Variants in MGST1 observed in about 807,000 individuals in gnomAD.
The protein encoded by MGST1 is glutathione S-transferase 12.
In MGST1, 5 loss-of-function variants were observed where a neutral mutation model predicts 8.9. The ratio of observed to expected loss-of-function variants is 0.56; its 90% confidence interval spans 0.29 to 1.19. MGST1 has a LOEUF of 1.19. Among genes scored for constraint, MGST1 ranks in the 50% most tolerant of loss-of-function variants. The probability of loss-of-function intolerance (pLI) is 0.08; values close to 1 mark genes in which losing one functional copy is unlikely to be tolerated. For synonymous variants in MGST1, 54 were observed against 67.8 expected (o/e 0.80, Z 1.00); for missense variants, 182 against 187.4 (o/e 0.97, Z 0.17).
At chr12:16,418,159 A>G (rs1173879421) in intron 1 of MGST1, among the ~76,000 whole-genome samples, 3 of 152,202 alleles carry the variant, frequency 2.0e-5, no homozygotes, top group African/African-American at 7.2e-5. Flanking sequence ...TATGTGTGTC[A>G]TGACACTTAA....
In MGST1 at chr12:16,586,546, G is replaced by GC. The variant is rs1338360603; in HGVS notation, n.483-2980dup. Among the ~76,000 whole-genome samples, 1 of 152,120 alleles carries GC rather than the reference G, an allele frequency of 6.6e-6. No homozygotes were observed. Among genetic ancestry groups the GC allele is most frequent in the Non-Finnish European group, 1.5e-5 (1 of 68,026 alleles). On this transcript the variant is annotated intron_variant and non_coding_transcript_variant, in intron 4 of 4. Coordinates refer to the MGST1 transcript ENST00000538857. The surrounding 1 kb of genome is among the most constrained non-coding windows in gnomAD (Gnocchi z 4.3). ...TGTTGTATAATATTGTCAGATTCAG[G>GC]CCAACTGAATTCTGGAGGACATATG...
chr12:16,556,554 G>A (rs1942197074), intron 4 of MGST1, among the ~76,000 whole-genome samples: 1 of 152,122 alleles, frequency 6.6e-6, no homozygotes, highest in Non-Finnish European at 1.5e-5. Flanking sequence ...TCACAAACGC[G>A]TAATTCCACA....
At chr12:16,431,903 T>C (rs575631827) in intron 1 of MGST1, among the ~76,000 whole-genome samples, 6 of 152,190 alleles carry the variant, frequency 3.9e-5, no homozygotes, top group Non-Finnish European at 7.3e-5. Flanking sequence ...CAGGTATACA[T>C]GTATTTATTT....
At chr12:16,381,292 CAT>C (rs1940451642), downstream of MGST1, among the ~76,000 whole-genome samples, 2 of 152,146 alleles carry the variant, frequency 1.3e-5, no homozygotes, top group Admixed American at 1.3e-4. Flanking sequence ...TCTTCCTTTC[CAT>C]ATTTAGTGCT....
At chr12:16,485,303 G>A (rs1216726425) in intron 4 of MGST1, among the ~76,000 whole-genome samples, 1 of 152,154 alleles carries the variant, frequency 6.6e-6, no homozygotes, top group Non-Finnish European at 1.5e-5. Context: ...ATTTAGAAGT[G>A]TAACGTTCGG....
chr12:16,571,780 T>G (rs1182148317), intron 4 of MGST1, among the ~76,000 whole-genome samples: 2 of 152,080 alleles, frequency 1.3e-5, no homozygotes, highest in Non-Finnish European at 2.9e-5. Flanking sequence ...AATCAAAGTG[T>G]AACTGGATCA....
chr12:16,374,461 C>A (rs983314399), intron 3 of MGST1, among the ~76,000 whole-genome samples: 4 of 152,010 alleles, frequency 2.6e-5, no homozygotes, highest in South Asian at 2.1e-4. Flanking sequence ...TAAACCCACC[C>A]AAATCCAAAA....
intron 4 of MGST1, among the ~76,000 whole-genome samples, chr12:16,564,710 C>T (rs1005749313): frequency 6.6e-6 from 1 of 152,200 alleles, no homozygotes; most frequent in East Asian, 1.9e-4. Flanking sequence ...AAATATGTCA[C>T]TGCAGTAAAC....
At chr12:16,437,014 T>C (rs1940992706) in intron 1 of MGST1, among the ~76,000 whole-genome samples, 1 of 151,962 alleles carries the variant, frequency 6.6e-6, no homozygotes, top group Admixed American at 6.6e-5. Context: ...AAATTAAAAC[T>C]GTTGCCGCTA....
rs1338093019 is a variant in MGST1, at chr12:16,500,238, G to T, written n.483-89290G>T. ...CTTTGTTTAAAGAAAATAATTAAAGGTTATGCCATTAAAAAATGTGTCCAA... is the reference window on the plus strand; with the variant it reads ...CTTTGTTTAAAGAAAATAATTAAAGTTTATGCCATTAAAAAATGTGTCCAA... On this transcript the variant is annotated intron_variant and non_coding_transcript_variant, in intron 4 of 4. Transcript: ENST00000538857. The surrounding 1 kb of genome is among the most constrained non-coding windows in gnomAD (Gnocchi z 4.3). 6.6e-6 allele frequency among the ~76,000 whole-genome samples: 1 copy of T among 152,034 alleles called. No homozygotes were observed. The highest frequency in any genetic ancestry group is 6.6e-5 in the Admixed American group (1 of 15,266).
At chr12:16,515,938 G>A (rs1437756019) in intron 4 of MGST1, among the ~76,000 whole-genome samples, 1 of 152,140 alleles carries the variant, frequency 6.6e-6, no homozygotes, top group African/African-American at 2.4e-5. Flanking sequence ...TTCACCCATT[G>A]GAAAGAACCA....
At chr12:16,378,321 G>A (rs1940412023), downstream of MGST1, among the ~76,000 whole-genome samples, 1 of 151,678 alleles carries the variant, frequency 6.6e-6, no homozygotes, top group African/African-American at 2.4e-5. Flanking sequence ...ATTAATTTTT[G>A]TATAAGGTGT....
rs142537592 is a variant in MGST1, at chr12:16,524,913, C to A, written n.483-64615C>A. Among the ~76,000 whole-genome samples, 618 of 152,176 alleles carry A rather than the reference C, an allele frequency of 4.1e-3. 4 individuals are homozygous for A. The highest frequency in any genetic ancestry group is 0.014 in the African/African-American group (592 of 41,530). The stretch of plus-strand genomic sequence containing the variant: ...TATTGAGCTTCTGTTAACATCCTTA[C>A]AATAAACTCTGTGTTGAATATCATC... On this transcript the variant is annotated intron_variant and non_coding_transcript_variant, in intron 4 of 4. Coordinates refer to the MGST1 transcript ENST00000538857.
intron 2 of MGST1, among the ~76,000 whole-genome samples, chr12:16,356,395 C>T (rs750762812): frequency 6.6e-6 from 1 of 152,098 alleles, no homozygotes; most frequent in Non-Finnish European, 1.5e-5. Flanking sequence ...ACAAGACAGA[C>T]AGGCCTGACC....
intron 1 of MGST1, chr12:16,399,949 G>A: frequency 2.3e-6 from 3 of 1,324,326 alleles, no homozygotes; most frequent in Non-Finnish European, 3.3e-6. Context: ...CCATTCCATA[G>A]CATTTACCAG....
At chr12:16,459,664 G>T (rs976804380) in intron 4 of MGST1, among the ~76,000 whole-genome samples, 1 of 152,078 alleles carries the variant, frequency 6.6e-6, no homozygotes, top group African/African-American at 2.4e-5. Context: ...CAGATCAAGG[G>T]CCAGGGAGTA....
chr12:16,533,912 C>T (rs1941738549), intron 4 of MGST1, among the ~76,000 whole-genome samples: 1 of 152,010 alleles, frequency 6.6e-6, no homozygotes, highest in Non-Finnish European at 1.5e-5. Context: ...CAGGATATTC[C>T]AGGCAGAGGG....
At chr12:16,411,330 A>G (rs1940741252) in intron 1 of MGST1, among the ~76,000 whole-genome samples, 2 of 152,176 alleles carry the variant, frequency 1.3e-5, no homozygotes, top group African/African-American at 4.8e-5. Context: ...TAGGTAAAGG[A>G]ACGCAATGTT....
intron 4 of MGST1, among the ~76,000 whole-genome samples, chr12:16,521,496 G>C (rs955951294): frequency 6.6e-6 from 1 of 151,990 alleles, no homozygotes; most frequent in African/African-American, 2.4e-5. Context: ...TGAATACTAA[G>C]CATTGTTTAA....
Sources: allele counts gnomAD v4.1 joint callset (sites outside exome capture counted in the v4.1 genomes callset), GRCh38; gene constraint gnomAD v4.1.1; non-coding constraint Gnocchi (gnomAD v3.1); transcripts MANE v1.5; gene names NCBI Gene and HGNC (gene_info 2026-07-23, HGNC 2026-07-21).